ENTREP2: variants seen among roughly 807,000 people sequenced by gnomAD.
ENTREP2 encodes the protein endosomal transmembrane epsin interactor 2, also known as protein ENTREP2.
chr15:29,634,073 C>G, the ENTREP2 span, among the ~76,000 whole-genome samples: 2 of 152,244 alleles, frequency 1.3e-5, no homozygotes, highest in African/African-American at 4.8e-5. Context: ...CCAAGCTGGC[C>G]ACACCTGGCA....
At chr15:29,539,737 G>A in the ENTREP2 span, among the ~76,000 whole-genome samples, 1 of 152,088 alleles carries the variant, frequency 6.6e-6, no homozygotes, top group Non-Finnish European at 1.5e-5. Flanking sequence ...TGTTGGAGAG[G>A]GCCCAGAATC....
chr15:29,307,160 T>C, the ENTREP2 span, among the ~76,000 whole-genome samples: 2 of 152,168 alleles, frequency 1.3e-5, no homozygotes, highest in Non-Finnish European at 2.9e-5. Flanking sequence ...CAAATGTATC[T>C]CTCTACTAAA....
At chr15:29,541,856 C>T in the ENTREP2 span, among the ~76,000 whole-genome samples, 1 of 152,332 alleles carries the variant, frequency 6.6e-6, no homozygotes, top group East Asian at 1.9e-4. Flanking sequence ...GGGGCTGACA[C>T]AGTCAGAACT....
At chr15:29,324,693 T>A in the ENTREP2 span, among the ~76,000 whole-genome samples, 16,712 of 152,154 alleles carry the variant, frequency 0.11, 3,000 homozygotes, top group African/African-American at 0.38. Flanking sequence ...TAAAGGTCAG[T>A]TTCCAAGAAG....
the ENTREP2 span, among the ~76,000 whole-genome samples, chr15:29,160,009 G>T: frequency 6.6e-6 from 1 of 152,248 alleles, no homozygotes. Context: ...CCGCACAGGA[G>T]CCCACGGAGA....
chr15:29,359,250 T>G, the ENTREP2 span, among the ~76,000 whole-genome samples: 2 of 152,160 alleles, frequency 1.3e-5, no homozygotes, highest in Non-Finnish European at 1.5e-5. Context: ...CTAAGCTGTT[T>G]CCCTGCATTT....
At chr15:29,587,040 A>C in the ENTREP2 span, among the ~76,000 whole-genome samples, 1 of 152,110 alleles carries the variant, frequency 6.6e-6, no homozygotes, top group African/African-American at 2.4e-5. Context: ...GGAGTTGGAG[A>C]CATACCCAGG....
the ENTREP2 span, chr15:29,612,784 A>T: frequency 5.7e-6 from 1 of 176,912 alleles, no homozygotes; most frequent in Non-Finnish European, 1.2e-5. Flanking sequence ...ACCTGGGATC[A>T]TGGACTCTGC....
chr15:29,206,359 G>A, the ENTREP2 span, among the ~76,000 whole-genome samples: 4 of 152,114 alleles, frequency 2.6e-5, no homozygotes, highest in African/African-American at 9.7e-5. Flanking sequence ...TCACCATGGA[G>A]GTTAGAATTT....
chr15:29,599,569 A>G, the ENTREP2 span, among the ~76,000 whole-genome samples: 1 of 152,184 alleles, frequency 6.6e-6, no homozygotes, highest in Non-Finnish European at 1.5e-5. Context: ...AAGTTACTTA[A>G]GCTCCATAAG....
the ENTREP2 span, among the ~76,000 whole-genome samples, chr15:29,417,842 ATTCACTGCTTCTTTAATTG>A: frequency 6.6e-6 from 1 of 152,150 alleles, no homozygotes; most frequent in Non-Finnish European, 1.5e-5. Flanking sequence ...AGTCATGGGC[ATTCACTGCTTCTTTAATTG>A]CATTTTCTGG....
At chr15:29,291,282 T>C in the ENTREP2 span, among the ~76,000 whole-genome samples, 2 of 152,180 alleles carry the variant, frequency 1.3e-5, no homozygotes, top group Non-Finnish European at 2.9e-5. Context: ...GACTATCTCA[T>C]CCTGACGATC....
the ENTREP2 span, among the ~76,000 whole-genome samples, chr15:29,295,493 C>A: frequency 6.2e-4 from 94 of 152,158 alleles, no homozygotes; most frequent in Non-Finnish European, 1.2e-3. Flanking sequence ...CCTAAGACCC[C>A]CAGTGGATAC....
chr15:29,334,732 G>A, the ENTREP2 span, among the ~76,000 whole-genome samples: 228 of 152,310 alleles, frequency 1.5e-3, 2 homozygotes, highest in Non-Finnish European at 1.9e-3. Context: ...TCCAGCGAAT[G>A]TGACAGAGGT....
At chr15:29,266,386 G>A in the ENTREP2 span, 3 of 152,238 alleles carry the variant, frequency 2.0e-5, no homozygotes, top group African/African-American at 4.8e-5. Context: ...ACAAGCTCAA[G>A]AGCAGCTTGG....
the ENTREP2 span, among the ~76,000 whole-genome samples, chr15:29,570,939 C>T: frequency 6.9e-6 from 1 of 144,904 alleles, no homozygotes; most frequent in South Asian, 2.1e-4. Context: ...ATGCCGCCGC[C>T]GCCGCGCCGC....
the ENTREP2 span, among the ~76,000 whole-genome samples, chr15:29,530,412 T>C: frequency 6.6e-6 from 1 of 152,190 alleles, no homozygotes. Flanking sequence ...CACCAACTTA[T>C]AATAATCACA....
chr15:29,215,957 G>A, the ENTREP2 span, among the ~76,000 whole-genome samples: 3 of 152,168 alleles, frequency 2.0e-5, no homozygotes, highest in East Asian at 5.8e-4. Context: ...TTCAATGTTA[G>A]TATTGAGATG....
chr15:29,257,444 A>G, the ENTREP2 span, among the ~76,000 whole-genome samples: 1 of 152,192 alleles, frequency 6.6e-6, no homozygotes, highest in Non-Finnish European at 1.5e-5. Context: ...GCTATTTATT[A>G]TAAGTAGTGT....
Sources: gnomAD v4.1 joint callset for allele counts (sites outside exome capture counted in the v4.1 genomes callset) on GRCh38, gnomAD v4.1.1 for gene constraint, MANE v1.5 for transcripts, NCBI Gene and HGNC (gene_info 2026-07-23, HGNC 2026-07-21) for gene names.